Variants in SPIDR observed in about 807,000 individuals in gnomAD.
SPIDR encodes the protein DNA repair-scaffolding protein.
Under a neutral mutation model 104.6 loss-of-function variants are expected in SPIDR, and 93 were observed. That is an observed-to-expected ratio of 0.89 (90% CI 0.75 to 1.06). SPIDR has a LOEUF of 1.06. SPIDR is among the 50% of genes least tolerant of loss of function. The pLI is 0.00. For missense variants in SPIDR, 1,154 were observed against 1,111.2 expected (o/e 1.04, Z -0.55); for synonymous variants, 431 against 416.9 (o/e 1.03, Z -0.41).
chr8:47,710,440 A>G (rs143201042), intron 14 of SPIDR, among the ~76,000 whole-genome samples: 141 of 152,124 alleles, frequency 9.3e-4, no homozygotes, highest in African/African-American at 3.3e-3. Context: ...ATAACCTTAT[A>G]GAAAGCTTTG....
At chr8:47,266,216 C>T (rs920662915) in intron 1 of SPIDR, among the ~76,000 whole-genome samples, 16 of 150,974 alleles carry the variant, frequency 1.1e-4, no homozygotes, top group South Asian at 2.1e-4. Flanking sequence ...TGCAACTTTC[C>T]GCCTCCCCAG....
At chr8:47,635,843 G>T (rs189511119) in intron 10 of SPIDR, among the ~76,000 whole-genome samples, 1 of 152,362 alleles carries the variant, frequency 6.6e-6, no homozygotes, top group African/African-American at 2.4e-5. Context: ...CCCAGTGGGT[G>T]AAAATTGGGC....
chr8:47,685,509 A>ATTTTTTTTT (rs79918303), intron 11 of SPIDR, among the ~76,000 whole-genome samples: 1,283 of 106,732 alleles, frequency 0.012, 48 homozygotes, highest in Non-Finnish European at 0.021. Flanking sequence ...TTATTTATTT[A>ATTTTTTTTT]TTTATTTATT....
At chr8:47,294,496 G>C (rs2040486568) in intron 5 of SPIDR, 1 of 154,738 alleles carries the variant, frequency 6.5e-6, no homozygotes, top group African/African-American at 2.4e-5. Flanking sequence ...TCAGTGCCCA[G>C]GGTTTGTATT....
At chr8:47,321,515 C>A (rs956209031) in intron 5 of SPIDR, among the ~76,000 whole-genome samples, 28 of 152,206 alleles carry the variant, frequency 1.8e-4, no homozygotes, top group African/African-American at 6.0e-4. Flanking sequence ...AATGGCCATA[C>A]TGCCCAAGGT....
chr8:47,422,084 C>T (rs573117103), intron 7 of SPIDR, among the ~76,000 whole-genome samples: 7 of 152,274 alleles, frequency 4.6e-5, no homozygotes, highest in South Asian at 2.1e-4. Context: ...GCAGTGTGTC[C>T]GTTCTCAGAT....
intron 8 of SPIDR, among the ~76,000 whole-genome samples, chr8:47,460,710 C>A (rs920147765): frequency 2.6e-5 from 4 of 152,014 alleles, no homozygotes; most frequent in African/African-American, 9.7e-5. Context: ...TGGCTGTATA[C>A]CTTGGTGGCT....
intron 7 of SPIDR, among the ~76,000 whole-genome samples, chr8:47,420,866 T>C (rs1438618234): frequency 1.3e-5 from 2 of 152,260 alleles, no homozygotes; most frequent in African/African-American, 2.4e-5. Context: ...CCTTCACTTA[T>C]GAAGCTTAGT....
At chr8:47,608,077 A>G (rs941647397) in intron 10 of SPIDR, among the ~76,000 whole-genome samples, 2 of 152,188 alleles carry the variant, frequency 1.3e-5, no homozygotes, top group African/African-American at 4.8e-5. Flanking sequence ...TGCAACCTCA[A>G]AAAGAAACCC....
At position 47,426,103 on chromosome 8, in the gene SPIDR, T is replaced by A. The variant is rs567729207; in HGVS notation, c.878-14220T>A. Among the ~76,000 whole-genome samples, 14 of 148,556 alleles carry A rather than the reference T, an allele frequency of 9.4e-5. No individual in the cohort carries two copies. In the South Asian group the frequency reaches 2.1e-3, roughly 23 times the overall value. On this transcript the variant is annotated intron_variant, in intron 7 of 19. Coordinates refer to ENST00000297423, the MANE Select transcript of SPIDR (RefSeq NM_001080394.4). Reference sequence around the variant, plus strand: ...ACTACGATACAAAAAAAAAAAAAAATTAACCAGCCATGGGGGCACACACTC... The same window carrying A: ...ACTACGATACAAAAAAAAAAAAAAAATAACCAGCCATGGGGGCACACACTC...
rs1385858357 is a variant in SPIDR, at chr8:47,673,896, G to A, written c.1640G>A (p.Cys547Tyr). The A allele has an allele frequency of 6.2e-7, 1 of 1,614,182 alleles. No homozygotes were observed. The highest frequency in any genetic ancestry group is 8.5e-7 in the Non-Finnish European group (1 of 1,180,024). Residue 547 changes from cysteine (C) to tyrosine (Y), a missense_variant, in exon 11 of 20, where the codon TGC (cysteine) becomes TAC (tyrosine). Cys to Tyr is a radical substitution (Grantham distance 194). Coordinates refer to ENST00000297423, the MANE Select transcript of SPIDR (RefSeq NM_001080394.4). Reference protein sequence around the residue: ...SKARQLEGKSCSLVGMKVLQK... With the variant: ...SKARQLEGKSYSLVGMKVLQK... ...GCAAGACAGTTGGAAGGGAAGTCTT[G>A]CAGCCTGGTGGGAATGAAGGTTCTA... is the stretch of plus-strand genomic sequence containing the variant.
At chr8:47,346,209 C>G (rs548820876) in intron 5 of SPIDR, among the ~76,000 whole-genome samples, 3 of 152,284 alleles carry the variant, frequency 2.0e-5, no homozygotes, top group African/African-American at 4.8e-5. Flanking sequence ...TTTTCTGCAT[C>G]TATTGAGATA....
chr8:47,606,475 G>C (rs1249552384), intron 10 of SPIDR, among the ~76,000 whole-genome samples: 1 of 151,950 alleles, frequency 6.6e-6, no homozygotes, highest in Non-Finnish European at 1.5e-5. Context: ...GCAGTGAGCC[G>C]AGATCGCACC....
At chr8:47,483,306 C>A (rs2077130198) in intron 8 of SPIDR, among the ~76,000 whole-genome samples, 1 of 152,126 alleles carries the variant, frequency 6.6e-6, no homozygotes, top group Non-Finnish European at 1.5e-5. Context: ...AGCCATCCAG[C>A]TTATATCAAC....
At chr8:47,344,387 G>A (rs542949167) in intron 5 of SPIDR, among the ~76,000 whole-genome samples, 1 of 152,132 alleles carries the variant, frequency 6.6e-6, no homozygotes, top group Non-Finnish European at 1.5e-5. Context: ...ATTTGGGTTG[G>A]TTCCAAGTCT....
rs542448430 is a variant in SPIDR, at chr8:47,552,217, C to T, written c.1098-43594C>T. On this transcript the variant is annotated intron_variant, in intron 8 of 19. Coordinates refer to ENST00000297423, the MANE Select transcript of SPIDR (RefSeq NM_001080394.4). ...TATGTGGTCAATTTTGGAATAAGTGCGATGTGGTGCTGAGAAGAATATATA... is the reference window on the plus strand; with the variant it reads ...TATGTGGTCAATTTTGGAATAAGTGTGATGTGGTGCTGAGAAGAATATATA... Among the ~76,000 whole-genome samples, 145 of 152,142 alleles carry T rather than the reference C, an allele frequency of 9.5e-4. 1 individual carries two copies. The highest frequency in any genetic ancestry group is 3.3e-3 in the African/African-American group (135 of 41,514).
At chr8:47,279,731 C>T in intron 1 of SPIDR, 131 bp from the exon 2 acceptor site, 1 of 833,964 alleles carries the variant, frequency 1.2e-6, no homozygotes, top group African/African-American at 1.7e-5. Flanking sequence ...GATTTAGAGA[C>T]ATTCAAAAAC....
intron 1 of SPIDR, 119 bp downstream of exon 1, chr8:47,261,110 G>A: frequency 2.7e-6 from 3 of 1,117,854 alleles, no homozygotes; most frequent in Non-Finnish European, 3.4e-6. Flanking sequence ...TGGGGGTGAA[G>A]GGCTAGGTGG....
At chr8:47,301,270 C>T (rs1296656701) in intron 5 of SPIDR, among the ~76,000 whole-genome samples, 1 of 152,074 alleles carries the variant, frequency 6.6e-6, no homozygotes, top group Admixed American at 6.6e-5. Flanking sequence ...GATTGAAACC[C>T]CTGCCTTTTT....
Sources: gnomAD v4.1 joint callset for allele counts (sites outside exome capture counted in the v4.1 genomes callset) on GRCh38, gnomAD v4.1.1 for gene constraint, MANE v1.5 for transcripts, NCBI Gene and HGNC (gene_info 2026-07-23, HGNC 2026-07-21) for gene names.